The following ZNF468 variants were observed in gnomAD, a reference collection of about 807,000 sequenced individuals.
The protein encoded by ZNF468 is zinc finger protein 468.
In ZNF468, 8 loss-of-function variants were observed where a neutral mutation model predicts 7.2. The ratio of observed to expected loss-of-function variants is 1.11; its 90% confidence interval spans 0.65 to 2.01. ZNF468 has a LOEUF of 2.01. Ranked by LOEUF, ZNF468 falls within the 30% of genes most tolerant of loss-of-function variation. ZNF468 has a pLI of 0.00. For synonymous variants in ZNF468, 218 were observed against 214.4 expected (o/e 1.02, Z -0.15); for missense variants, 608 against 626.5 (o/e 0.97, Z 0.31).
intron 1 of ZNF468, among the ~76,000 whole-genome samples, chr19:52,855,449 T>TGA (rs2063428908): frequency 6.6e-6 from 1 of 152,228 alleles, no homozygotes; most frequent in Admixed American, 6.5e-5. Flanking sequence ...GGGAGTCAGA[T>TGA]GAGGGTAAGC....
intron 3 of ZNF468, among the ~76,000 whole-genome samples, chr19:52,845,876 G>GCCA (rs2063338434): frequency 6.6e-6 from 1 of 151,974 alleles, no homozygotes; most frequent in African/African-American, 2.4e-5. Flanking sequence ...GGTGGCGCAT[G>GCCA]CCTGTAATCC....
chr19:52,839,751 G>A lies in ZNF468; in HGVS notation c.*974C>T. ...CCTCCTATGTTTTGCATAGGATGAA[G>A]CTTGACTGAAGACCTTGCCTCAATC... On this transcript the variant is annotated 3_prime_UTR_variant, in exon 4 of 4. Transcript: ENST00000595646. 1 of 503,342 alleles carries A rather than the reference G, an allele frequency of 2.0e-6. No individual in the cohort carries two copies. Among genetic ancestry groups the A allele is most frequent in the African/African-American group, 2.0e-5 (1 of 51,272 alleles). 31.2% of individuals were successfully genotyped at this position (503,342 alleles called of 1,614,324 possible). A position where few individuals can be genotyped will look rare whatever the true frequency, so the allele number is the denominator to read the frequency against.
Position 52,840,861 on chromosome 19 carries a change from T to C in ZNF468, c.1433A>G (p.Gln478Arg). Residue 478 changes from glutamine (Q) to arginine (R), a missense_variant, in exon 4 of 4, where the codon CAG (glutamine) becomes CGG (arginine). Coordinates refer to ENST00000595646, the MANE Select transcript of ZNF468 (RefSeq NM_001008801.2). ...KCNECGKTFG[Q>R]TSSLIIHRRL... ...ACGATGGATTATAAGCGATGATGTC[T>C]GACCGAAGGTCTTGCCACACTCATT... 6.3e-7 allele frequency: 1 copy of C among 1,595,844 alleles called. No individual in the cohort carries two copies. Among genetic ancestry groups the C allele is most frequent in the Non-Finnish European group, 8.5e-7 (1 of 1,171,724 alleles).
At chr19:52,850,703 TC>T (rs1367679392) in intron 2 of ZNF468, among the ~76,000 whole-genome samples, 1 of 151,492 alleles carries the variant, frequency 6.6e-6, no homozygotes, top group Non-Finnish European at 1.5e-5. Context: ...ATCGAGACCA[TC>T]CTGGCTAACA....
intron 1 of ZNF468, among the ~76,000 whole-genome samples, chr19:52,856,524 AC>A (rs1226385143): frequency 1.8e-4 from 21 of 119,654 alleles, no homozygotes; most frequent in African/African-American, 5.9e-4. Context: ...CTCTGTTATA[AC>A]CCCCTGGACC....
chr19:52,853,947 G>A lies in ZNF468; in HGVS notation c.15+311C>T, dbSNP rs191190481. On this transcript the variant is annotated intron_variant, in intron 2 of 3. Coordinates refer to ENST00000595646, the MANE Select transcript of ZNF468 (RefSeq NM_001008801.2). ...TCCTGGTCCACAGTGAGCTGACAGT[G>A]CATCCAGATGTGGCCCCTGAACAAT... is the stretch of plus-strand genomic sequence containing the variant. 647 of 1,398,642 alleles carry A rather than the reference G, an allele frequency of 4.6e-4. 3 individuals are homozygous for A. The highest frequency in any genetic ancestry group is 8.0e-4 in the Middle Eastern group (3 of 3,742). 86.6% of individuals were successfully genotyped at this position (1,398,642 alleles called of 1,614,324 possible).
At chr19:52,856,577 C>G (rs191354203) in intron 1 of ZNF468, among the ~76,000 whole-genome samples, 6 of 147,366 alleles carry the variant, frequency 4.1e-5, no homozygotes, top group African/African-American at 2.5e-5. Context: ...CCCCGCTGTG[C>G]TTCTCCCTCT....
At chr19:52,846,233 T>C (rs538301623) in intron 3 of ZNF468, among the ~76,000 whole-genome samples, 1 of 152,230 alleles carries the variant, frequency 6.6e-6, no homozygotes, top group South Asian at 2.1e-4. Flanking sequence ...TTTATTTTTT[T>C]CTGTCTCCCA....
At chr19:52,851,942 G>A (rs2063393625) in intron 2 of ZNF468, among the ~76,000 whole-genome samples, 1 of 152,112 alleles carries the variant, frequency 6.6e-6, no homozygotes, top group Non-Finnish European at 1.5e-5. Flanking sequence ...GTGTATGTAT[G>A]TATGTATATA....
At position 52,852,421 on chromosome 19, in the gene ZNF468, A is replaced by AT. The variant is rs1417019948; in HGVS notation, c.15+1836dup. On this transcript the variant is annotated intron_variant, in intron 2 of 3. Coordinates refer to ENST00000595646, the MANE Select transcript of ZNF468 (RefSeq NM_001008801.2). Reference sequence around the variant, plus strand: ...CCAGGCATGGTGGCTCACGCCTGTAATCTCAACACTTTTGGAGGTTGAGGC... The same window carrying AT: ...CCAGGCATGGTGGCTCACGCCTGTAATTCTCAACACTTTTGGAGGTTGAGGC... Among the ~76,000 whole-genome samples, 3 of 152,094 alleles carry AT rather than the reference A, an allele frequency of 2.0e-5. 1 individual carries two copies.
At chr19:52,851,024 G>C (rs549912145) in intron 2 of ZNF468, among the ~76,000 whole-genome samples, 1 of 152,164 alleles carries the variant, frequency 6.6e-6, no homozygotes, top group African/African-American at 2.4e-5. Flanking sequence ...TGTAATCCCA[G>C]AATTCTGTGC....
At chr19:52,853,946 T>C (rs920471968) in intron 2 of ZNF468, 8 of 1,398,848 alleles carry the variant, frequency 5.7e-6, no homozygotes, top group African/African-American at 2.9e-5. Flanking sequence ...GAGCTGACAG[T>C]GCATCCAGAT....
At position 52,839,800 on chromosome 19, in the gene ZNF468, C is replaced by T. The variant is rs1398631536; in HGVS notation, c.*925G>A. 3 of 501,072 alleles carry T rather than the reference C, an allele frequency of 6.0e-6. No individual in the cohort carries two copies. Among genetic ancestry groups the T allele is most frequent in the Admixed American group, 4.9e-5 (2 of 40,472 alleles). The allele number at this position is 501,072 out of a possible 1,614,324, so 31.0% of individuals were successfully genotyped here. ...TCATGACATTTATAAGGTTTCTCTC[C>T]AGCATGAGTTCACCAGTGAAATGCA... On this transcript the variant is annotated 3_prime_UTR_variant, in exon 4 of 4. Transcript: ENST00000595646.
chr19:52,846,487 A>G (rs1020113449), intron 3 of ZNF468: 2 of 152,396 alleles, frequency 1.3e-5, no homozygotes, highest in African/African-American at 4.8e-5. Context: ...GGTGTCAGCC[A>G]CTGCACACGT....
At chr19:52,856,970 C>T (rs1221748643) in intron 1 of ZNF468, among the ~76,000 whole-genome samples, 2 of 152,112 alleles carry the variant, frequency 1.3e-5, no homozygotes, top group Non-Finnish European at 2.9e-5. Context: ...CGGAGAAGCG[C>T]ATTTTCCAAG....
In ZNF468 at chr19:52,841,710, T is replaced by C; in HGVS notation, c.584A>G (p.Asn195Ser). ...TGTGAGTAATGAAGAATGGAGGGAA[T>C]TATTTCCATACTTATTAGAAATATG... is the stretch of plus-strand genomic sequence containing the variant. ...KTHISNKYGN[N>S]SLHSSLLTQK... Residue 195 changes from asparagine to serine, a missense_variant, in exon 4 of 4, where the codon AAT (asparagine) becomes AGT (serine). By Grantham distance (46) the Asn-to-Ser change is conservative. Coordinates refer to ENST00000595646, the MANE Select transcript of ZNF468 (RefSeq NM_001008801.2). 1 of 1,614,126 alleles carries C rather than the reference T, an allele frequency of 6.2e-7. No homozygotes were observed. Among genetic ancestry groups the C allele is most frequent in the Admixed American group, 1.7e-5 (1 of 60,010 alleles).
At chr19:52,854,409 A>T in intron 1 of ZNF468, 64 bp from the exon 2 acceptor site, 1 of 1,477,836 alleles carries the variant, frequency 6.8e-7, no homozygotes, top group Non-Finnish European at 9.2e-7. Flanking sequence ...TAACACAATG[A>T]CACAAACATA....
chr19:52,841,521 A>G lies in ZNF468; in HGVS notation c.773T>C (p.Leu258Pro). Residue 258 changes from leucine to proline, a missense_variant, in exon 4 of 4, where the codon CTT becomes CCT. Physicochemically the swap from Leu to Pro is moderately conservative, Grantham distance 98. Transcript: ENST00000595646. ...AGTGTGACATCTACGATGGCAGGCA[A>G]GGTATCGCTTCTGATTAAAGACCTT... ...CGKVFNQKRY[L>P]ACHRRCHTGE... 6.2e-7 allele frequency: 1 copy of G among 1,614,128 alleles called. No homozygotes were observed. Among genetic ancestry groups the G allele is most frequent in the Non-Finnish European group, 8.5e-7 (1 of 1,180,020 alleles).
In ZNF468 at chr19:52,839,251, C is replaced by CAA. The variant is rs113896444; in HGVS notation, c.*1472_*1473dup. The CAA allele has an allele frequency of 1.4e-3, 227 of 166,720 alleles. No individual in the cohort carries two copies. The highest frequency in any genetic ancestry group is 5.2e-3 in the Admixed American group (84 of 16,070). 10.3% of individuals were successfully genotyped at this position (166,720 alleles called of 1,614,324 possible). On this transcript the variant is annotated 3_prime_UTR_variant, in exon 4 of 4. Coordinates refer to ENST00000595646, the MANE Select transcript of ZNF468 (RefSeq NM_001008801.2). ...TGGGCGACAGAGCAAGACTCCATCT[C>CAA]AAAAAAAAAACAAGAAAAAGAAAAT...
Sources: gnomAD v4.1 joint callset for allele counts (sites outside exome capture counted in the v4.1 genomes callset) on GRCh38, gnomAD v4.1.1 for gene constraint, MANE v1.5 for transcripts, NCBI Gene and HGNC (gene_info 2026-07-23, HGNC 2026-07-21) for gene names.